Variants in SAFB observed in about 807,000 individuals in gnomAD.
The protein encoded by SAFB is scaffold attachment factor B1.
SAFB carries 15 observed loss-of-function variants against 101.6 expected under a neutral mutation model. The observed-to-expected ratio is 0.15, with a 90% CI of 0.10 to 0.23. The LOEUF (loss-of-function observed/expected upper bound fraction) is 0.23. Ranked by LOEUF, SAFB falls within the 10% of genes least tolerant of loss-of-function variation. The probability of loss-of-function intolerance (pLI) is 1.00; values close to 1 mark genes in which losing one functional copy is unlikely to be tolerated. For missense variants in SAFB, 930 were observed against 1,104.1 expected (o/e 0.84, Z 2.23); for synonymous variants, 449 against 407.5 (o/e 1.10, Z -1.23).
chr19:5,666,676 C>T lies in SAFB; in HGVS notation c.2335-370C>T, dbSNP rs192905002. On this transcript the variant is annotated intron_variant, in intron 17 of 20. Transcript: ENST00000588852. ...AACCTGACCTTTCTTTAGTAGAAGA[C>T]AGTAAGAGAATACTGTTGGCTCTGG... The T allele has an allele frequency of 2.3e-3, 634 of 281,464 alleles. 8 individuals are homozygous for T. Among genetic ancestry groups the T allele is most frequent in the Non-Finnish European group, 2.6e-4 (38 of 148,240 alleles). The allele number at this position is 281,464 out of a possible 1,614,324, so 17.4% of individuals were successfully genotyped here.
At chr19:5,662,511 G>A (rs558832975) in intron 15 of SAFB, among the ~76,000 whole-genome samples, 1 of 151,950 alleles carries the variant, frequency 6.6e-6, no homozygotes, top group Admixed American at 6.6e-5. Flanking sequence ...AAAAATTAGA[G>A]ACAGGAGGCT....
At chr19:5,655,442 A>G (rs926333737) in intron 13 of SAFB, among the ~76,000 whole-genome samples, 38 of 144,328 alleles carry the variant, frequency 2.6e-4, no homozygotes, top group Non-Finnish European at 4.5e-4. Context: ...CCTGGGAGAG[A>G]GAGTGAGACC....
At chr19:5,664,782 G>A (rs1030464109) in intron 17 of SAFB, 12 of 285,808 alleles carry the variant, frequency 4.2e-5, no homozygotes, top group African/African-American at 2.7e-4. Flanking sequence ...ACTCAGACAG[G>A]TGCATCTGGG....
In SAFB at chr19:5,623,367, G is replaced by C; in HGVS notation, c.162G>C (p.Lys54Asn). 1 of 1,613,946 alleles carries C rather than the reference G, an allele frequency of 6.2e-7. No homozygotes were observed. Among genetic ancestry groups the C allele is most frequent in the Non-Finnish European group, 8.5e-7 (1 of 1,179,848 alleles). The change falls in exon 1 of 21, where the codon AAG (lysine) becomes AAC (asparagine). Residue 54 changes from lysine (K) to asparagine (N), a missense_variant. This residue lies in a region of SAFB where 119 missense variants were observed against 171.4 expected (regional missense o/e 0.69). Transcript: ENST00000588852. The stretch of plus-strand genomic sequence containing the variant: ...GGAATGTGGACTCGAGCGGCAACAA[G>C]AGCGTTTTGATGGAGCGGCTGAAGA... ...RKRNVDSSGN[K>N]SVLMERLKKA...
chr19:5,627,968 A>C (rs1438184624), intron 2 of SAFB, among the ~76,000 whole-genome samples: 1 of 152,174 alleles, frequency 6.6e-6, no homozygotes, highest in African/African-American at 2.4e-5. Context: ...GAATCAGCTG[A>C]GGCAGGGCGC....
chr19:5,640,358 CTTTTTTT>C (rs34358887), intron 2 of SAFB, among the ~76,000 whole-genome samples: 1 of 91,538 alleles, frequency 1.1e-5, no homozygotes, highest in Admixed American at 1.2e-4. Flanking sequence ...GAAAGATTGG[CTTTTTTT>C]TTTTTTTTTT....
intron 5 of SAFB, among the ~76,000 whole-genome samples, chr19:5,647,533 T>C (rs995875205): frequency 6.6e-6 from 1 of 151,976 alleles, no homozygotes; most frequent in African/African-American, 2.4e-5. Context: ...AGGGAGGGTA[T>C]TTACAAAGTT....
intron 2 of SAFB, among the ~76,000 whole-genome samples, chr19:5,636,526 G>C (rs1346695890): frequency 1.3e-5 from 2 of 152,108 alleles, no homozygotes; most frequent in African/African-American, 4.8e-5. Flanking sequence ...CAGTTTGATA[G>C]TCCCCTATCT....
intron 8 of SAFB, among the ~76,000 whole-genome samples, chr19:5,650,268 C>A (rs1339656270): frequency 2.0e-5 from 3 of 152,138 alleles, no homozygotes; most frequent in African/African-American, 7.2e-5. Context: ...CTACCAAATT[C>A]CTTCTTAATC....
At chr19:5,663,992 C>T (rs1252028958) in intron 15 of SAFB, 30 bp from the exon 16 acceptor site, 4 of 1,607,166 alleles carry the variant, frequency 2.5e-6, no homozygotes, top group East Asian at 2.2e-5. Context: ...GTGGGGGATC[C>T]CTCTATCTCT....
chr19:5,661,685 A>T lies in SAFB; in HGVS notation c.2030A>T (p.Glu677Val), dbSNP rs1162293223. The change falls in exon 15 of 21, where the codon GAG becomes GTG. Residue 677 changes from glutamate to valine, a missense_variant. Glu to Val is a moderately radical substitution (Grantham distance 121). Around this residue, in one of 7 missense-constraint regions of SAFB, gnomAD observed 159 missense variants for 234.1 expected, o/e 0.68. Coordinates refer to ENST00000588852, the MANE Select transcript of SAFB (RefSeq NM_001201338.2). ...CTGGAGCGCGAACGCATGCACGTGG[A>T]GCACGAGCGCAGGCGCGAGCAGGAG... ...ERLERERMHV[E>V]HERRREQERI... 6.2e-7 allele frequency: 1 copy of T among 1,609,712 alleles called. No individual in the cohort carries two copies.
At chr19:5,665,664 T>C (rs1038537735) in intron 17 of SAFB, 4 of 152,224 alleles carry the variant, frequency 2.6e-5, no homozygotes, top group Admixed American at 6.5e-5. Flanking sequence ...GTGTTAGATA[T>C]GCTCTCCTAA....
chr19:5,623,270 C>T lies in SAFB; in HGVS notation c.65C>T (p.Ala22Val). 3 of 1,605,550 alleles carry T rather than the reference C, an allele frequency of 1.9e-6. No homozygotes were observed. Among genetic ancestry groups the T allele is most frequent in the Non-Finnish European group, 2.6e-6 (3 of 1,176,432 alleles). The part of the protein sequence containing the change: ...GAAGAAALSS[A>V]SSETGTRRLS... The stretch of plus-strand genomic sequence containing the variant: ...GCGGGCGCGGCGGCTCTGAGCTCCG[C>T]CTCGTCAGAGACCGGGACGCGGCGC... Residue 22 changes from alanine to valine, a missense_variant, in exon 1 of 21, where the codon GCC becomes GTC. Around this residue, in one of 7 missense-constraint regions of SAFB, gnomAD observed 44 missense variants for 35.8 expected, o/e 1.23. Coordinates refer to ENST00000588852, the MANE Select transcript of SAFB (RefSeq NM_001201338.2).
Position 5,654,454 on chromosome 19 carries a change from AGAGT to A in SAFB, c.1755+3_1755+6del. ...TGTAAAAACGTCCGGGTCCAAAGAG[AGAGT>A]GAGTATTAATTTTCTAACTAGGGTA... On this transcript the variant is annotated splice_donor_variant and coding_sequence_variant, in exon 13 of 21. Transcript: ENST00000588852. LOFTEE classifies it high-confidence loss of function. 6.3e-7 allele frequency: 1 copy of A among 1,577,488 alleles called. No individual in the cohort carries two copies. Among genetic ancestry groups the A allele is most frequent in the Non-Finnish European group, 8.7e-7 (1 of 1,146,698 alleles).
At chr19:5,644,107 G>A (rs1286480189) in intron 4 of SAFB, among the ~76,000 whole-genome samples, 2 of 151,702 alleles carry the variant, frequency 1.3e-5, no homozygotes, top group Non-Finnish European at 2.9e-5. Flanking sequence ...TTCAAGACAG[G>A]GTCTCATGGT....
Position 5,664,442 on chromosome 19 carries a change from A to G in SAFB, c.2334+3A>G, listed in dbSNP as rs754355649. ...TGATGGGAGAACGAGAAGGACAGGT[A>G]AGTCTGAAGCTACAGTGGTAGCCAC... is the stretch of plus-strand genomic sequence containing the variant. On this transcript the variant is annotated splice_donor_region_variant and intron_variant, in intron 17 of 20. Coordinates refer to ENST00000588852, the MANE Select transcript of SAFB (RefSeq NM_001201338.2). 1 of 1,612,046 alleles carries G rather than the reference A, an allele frequency of 6.2e-7. No individual in the cohort carries two copies. Among genetic ancestry groups the G allele is most frequent in the Non-Finnish European group, 8.5e-7 (1 of 1,178,046 alleles).
At chr19:5,668,132 G>C (rs774390574) in intron 20 of SAFB, 30 bp from the exon 21 acceptor site, 4 of 1,599,530 alleles carry the variant, frequency 2.5e-6, no homozygotes, top group East Asian at 2.3e-5. Flanking sequence ...GGAGGACTTC[G>C]CAGTCAAACC....
At chr19:5,637,887 A>G (rs1035181010) in intron 2 of SAFB, among the ~76,000 whole-genome samples, 7 of 152,194 alleles carry the variant, frequency 4.6e-5, no homozygotes, top group South Asian at 2.1e-4. Flanking sequence ...AGTCTATTTC[A>G]TGGATTTCAT....
At position 5,642,651 on chromosome 19, in the gene SAFB, C is replaced by CTTTTTTTTTTTTTTTTT. The variant is rs767488519; in HGVS notation, c.546+715_546+731dup. Among the ~76,000 whole-genome samples the CTTTTTTTTTTTTTTTTT allele has an allele frequency of 8.5e-5, 6 of 70,852 alleles. 2 individuals carry two copies. The East Asian group carries it at 1.8e-3, about 21-fold the overall frequency. The allele number at this position is 70,852 out of a possible 152,430, so 46.5% of individuals were successfully genotyped here. On this transcript the variant is annotated intron_variant, in intron 4 of 20. Transcript: ENST00000588852. ...GGCATTGGCATTATGCCCTTCCTTT[C>CTTTTTTTTTTTTTTTTT]TTTTTTTTTTTTTTTTTTTTTTTTT...
Sources: allele counts gnomAD v4.1 joint callset (sites outside exome capture counted in the v4.1 genomes callset), GRCh38; gene constraint gnomAD v4.1.1; regional missense constraint gnomAD v4.1.1; transcripts MANE v1.5; gene names NCBI Gene and HGNC (gene_info 2026-07-23, HGNC 2026-07-21).